The following BICRA variants were observed in gnomAD, a reference collection of about 807,000 sequenced individuals.
The protein encoded by BICRA is BRD4-interacting chromatin-remodeling complex-associated protein.
Under a neutral mutation model 96.9 loss-of-function variants are expected in BICRA, and 31 were observed. That is an observed-to-expected ratio of 0.32 (90% confidence interval 0.24 to 0.43). BICRA has a LOEUF of 0.43. Among genes scored for constraint, BICRA ranks in the 20% least tolerant of loss-of-function variants. BICRA has a pLI of 1.00. For missense variants in BICRA, 2,283 were observed against 2,190.3 expected (o/e 1.04, Z -0.84); for synonymous variants, 1,350 against 1,071.8 (o/e 1.26, Z -5.07).
At chr19:47,632,902 G>A (rs887025588) in intron 1 of BICRA, among the ~76,000 whole-genome samples, 3 of 151,980 alleles carry the variant, frequency 2.0e-5, no homozygotes, top group Admixed American at 2.0e-4. Context: ...TGTTAGACGA[G>A]GTTAAATGAC....
chr19:47,674,288 A>ACAAC (rs1972909552), intron 4 of BICRA, among the ~76,000 whole-genome samples: 1 of 151,856 alleles, frequency 6.6e-6, no homozygotes, highest in Admixed American at 6.6e-5. Context: ...AGGAGGTGAG[A>ACAAC]CTGTAGTAGG....
intron 1 of BICRA, among the ~76,000 whole-genome samples, chr19:47,640,794 G>A (rs1239966238): frequency 6.6e-6 from 1 of 152,048 alleles, no homozygotes. Flanking sequence ...AACAGCAGGT[G>A]CAAAGGTCCT....
rs749101461 is a variant in BICRA at position 47,680,925 on chromosome 19, G to A, written c.1755G>A (p.Gly585=). The A allele has an allele frequency of 4.7e-6, 7 of 1,478,104 alleles. No individual in the cohort carries two copies. The highest frequency in any genetic ancestry group is 2.7e-5 in the South Asian group (2 of 74,948). 91.6% of individuals were successfully genotyped at this position (1,478,104 alleles called of 1,614,324 possible). A position where few individuals can be genotyped will look rare whatever the true frequency, so the allele number is the denominator to read the frequency against. The change falls in exon 6 of 15, where the codon GGG becomes GGA. Residue 585 remains glycine (G), a synonymous_variant. Coordinates refer to ENST00000594866, the MANE Select transcript of BICRA (RefSeq NM_001394372.1). ...AGPAATTVLQ[G]VTLPPSAVAM... Reference sequence around the variant, plus strand: ...CGGCCGCCACCACTGTCCTCCAGGGGGTCACCCTGCCCCCCAGCGCCGTGG... The same window carrying A: ...CGGCCGCCACCACTGTCCTCCAGGGAGTCACCCTGCCCCCCAGCGCCGTGG...
chr19:47,679,953 C>T lies in BICRA; in HGVS notation c.783C>T (p.Gly261=). The change falls in exon 6 of 15, where the codon GGC becomes GGT. Residue 261 remains glycine, a synonymous_variant. Transcript: ENST00000594866. ...TGGCCAAGCAGGTGCCCGTCAGCGGCTACCTGGCCTCGGCGGCTGGCCCCT... is the reference window on the plus strand; with the variant it reads ...TGGCCAAGCAGGTGCCCGTCAGCGGTTACCTGGCCTCGGCGGCTGGCCCCT... ...QLLAKQVPVS[G]YLASAAGPSE... The T allele has an allele frequency of 6.7e-7, 1 of 1,499,818 alleles. No homozygotes were observed. Among genetic ancestry groups the T allele is most frequent in the Non-Finnish European group, 8.8e-7 (1 of 1,131,344 alleles). The allele number at this position is 1,499,818 out of a possible 1,614,324, so 92.9% of individuals were successfully genotyped here. A position where few individuals can be genotyped will look rare whatever the true frequency, so the allele number is the denominator to read the frequency against.
chr19:47,611,139 C>G (rs969766892), intron 1 of BICRA, among the ~76,000 whole-genome samples: 3 of 152,150 alleles, frequency 2.0e-5, no homozygotes, highest in African/African-American at 7.2e-5. Flanking sequence ...CAATTTGTAA[C>G]CTCCTGGAGT....
intron 1 of BICRA, among the ~76,000 whole-genome samples, chr19:47,661,209 G>A (rs1196037892): frequency 8.1e-4 from 11 of 13,502 alleles, no homozygotes; most frequent in African/African-American, 4.1e-3. Context: ...GCGAGACTCC[G>A]TCTCAAAAAA....
Position 47,660,575 on chromosome 19 carries a change from C to T in BICRA, c.-107-9868C>T, listed in dbSNP as rs151269950. On this transcript the variant is annotated intron_variant, in intron 1 of 14. Transcript: ENST00000594866. ...ATGTTAAGTCCACGTACCAGGTGAA[C>T]ACATCACCTCATTTGTCTGTCTGAC... Among the ~76,000 whole-genome samples, 138 of 152,312 alleles carry T rather than the reference C, an allele frequency of 9.1e-4. No individual in the cohort carries two copies. In the Middle Eastern group the frequency reaches 0.02, roughly 23 times the overall value.
rs115064320 is a variant in BICRA, at chr19:47,642,020, C to T, written c.-107-28423C>T. ...GTTCGTTGTTAGTGTGTAGAAACACCACTGATTTTTCCATGTTGATTTTGC... is the reference window on the plus strand; with the variant it reads ...GTTCGTTGTTAGTGTGTAGAAACACTACTGATTTTTCCATGTTGATTTTGC... On this transcript the variant is annotated intron_variant, in intron 1 of 14. Transcript: ENST00000594866. Among the ~76,000 whole-genome samples the T allele has an allele frequency of 3.2e-3, 488 of 152,120 alleles. 2 individuals carry two copies. Among genetic ancestry groups the T allele is most frequent in the African/African-American group, 0.011 (474 of 41,500 alleles).
At chr19:47,694,063 T>C in intron 7 of BICRA, 52 bp from the exon 8 acceptor site, 1 of 1,453,926 alleles carries the variant, frequency 6.9e-7, no homozygotes, top group South Asian at 1.4e-5. Flanking sequence ...CAACAGGAGC[T>C]ATGGTTGGTT....
At chr19:47,642,728 A>G (rs1428406604) in intron 1 of BICRA, among the ~76,000 whole-genome samples, 12 of 152,114 alleles carry the variant, frequency 7.9e-5, no homozygotes, top group Admixed American at 7.9e-4. Context: ...AGAAAAAGAA[A>G]AAAGAAAGAA....
intron 7 of BICRA, among the ~76,000 whole-genome samples, chr19:47,688,849 G>GTCTC (rs147430958): frequency 2.1e-3 from 311 of 150,662 alleles, no homozygotes; most frequent in Non-Finnish European, 3.5e-3. Flanking sequence ...TTGAGACAGA[G>GTCTC]TCTCTCTCTC....
rs773753977 is a variant in BICRA, at chr19:47,698,690, C to T, written c.3305C>T (p.Thr1102Met). Reference protein sequence around the residue: ...QGSVLHPDYKTAFPSFEDALH... With the variant: ...QGSVLHPDYKMAFPSFEDALH... ...TCCGTCCTGCACCCCGACTACAAGA[C>T]GGCCTTCCCCTCCTTTGAGGACGCC... Residue 1102 changes from threonine (T) to methionine (M), a missense_variant, in exon 12 of 15, where the codon ACG (threonine) becomes ATG (methionine). Coordinates refer to ENST00000594866, the MANE Select transcript of BICRA (RefSeq NM_001394372.1). The surrounding 1 kb of genome is among the most constrained non-coding windows in gnomAD (Gnocchi z 4.8). 2.9e-5 allele frequency: 46 copies of T among 1,589,602 alleles called. No homozygotes were observed. Among genetic ancestry groups the T allele is most frequent in the Non-Finnish European group, 3.8e-5 (44 of 1,158,006 alleles).
chr19:47,667,593 C>G (rs913582327), intron 1 of BICRA, among the ~76,000 whole-genome samples: 1 of 152,084 alleles, frequency 6.6e-6, no homozygotes, highest in Non-Finnish European at 1.5e-5. Flanking sequence ...ACAGGGCACC[C>G]GCATTCCAGA....
rs1170922852 is a variant in BICRA at position 47,701,779 on chromosome 19, GCCA to G, written c.4056_4058del (p.Pro1355del). 2.2e-5 allele frequency: 34 copies of G among 1,535,448 alleles called. No homozygotes were observed. Among genetic ancestry groups the G allele is most frequent in the Non-Finnish European group, 2.9e-5 (33 of 1,140,496 alleles). On this transcript the variant is annotated inframe_deletion, in exon 15 of 15. Coordinates refer to ENST00000594866, the MANE Select transcript of BICRA (RefSeq NM_001394372.1). The surrounding 1 kb of genome is among the most constrained non-coding windows in gnomAD (Gnocchi z 5.4). ...AGGTGGCCGAGCCCCCGCCACGGCC[GCCA>G]CCACCACCGCCGCCCACGGGCCAGA...
chr19:47,661,372 C>A (rs1295334921), intron 1 of BICRA, among the ~76,000 whole-genome samples: 1 of 152,178 alleles, frequency 6.6e-6, no homozygotes, highest in African/African-American at 2.4e-5. Context: ...CTCATAGCCA[C>A]GTGGCCCAGG....
In BICRA at chr19:47,631,493, T is replaced by C. The variant is rs185104963; in HGVS notation, c.-108+22325T>C. Among the ~76,000 whole-genome samples the C allele has an allele frequency of 6.1e-3, 929 of 151,624 alleles. 7 individuals carry two copies. The highest frequency in any genetic ancestry group is 0.022 in the African/African-American group (889 of 41,338). ...TCTGCCCTCCTCAGCCTCCCAAAGA[T>C]CTGGGATTATAGGCATGAGCCACCA... On this transcript the variant is annotated intron_variant, in intron 1 of 14. Coordinates refer to ENST00000594866, the MANE Select transcript of BICRA (RefSeq NM_001394372.1).
rs778371800 is a variant in BICRA, at chr19:47,698,541, C to T, written c.3249-93C>T. 8.6e-6 allele frequency: 6 copies of T among 697,944 alleles called. No homozygotes were observed. The highest frequency in any genetic ancestry group is 2.5e-5 in the East Asian group (1 of 40,430). 43.2% of individuals were successfully genotyped at this position (697,944 alleles called of 1,614,324 possible). A position where few individuals can be genotyped will look rare whatever the true frequency, so the allele number is the denominator to read the frequency against. On this transcript the variant is annotated intron_variant, in intron 11 of 14. Transcript: ENST00000594866. This position sits in a 1 kb window ranked among gnomAD's most constrained non-coding sequence, Gnocchi z 4.8. ...CCCTTCCCGCTGTTGTGTTCAGTTG[C>T]GGCCTGGGGCTGAGGGTTCAGGGAC...
chr19:47,614,558 G>C (rs562777824), intron 1 of BICRA, among the ~76,000 whole-genome samples: 63 of 152,306 alleles, frequency 4.1e-4, no homozygotes, highest in Non-Finnish European at 7.8e-4. Flanking sequence ...CGGAGGTTGC[G>C]GTGAGCCGAG....
chr19:47,671,181 T>G (rs1173692766), intron 2 of BICRA, among the ~76,000 whole-genome samples: 3 of 152,140 alleles, frequency 2.0e-5, no homozygotes, highest in East Asian at 1.9e-4. Context: ...CAGCCCACTG[T>G]GGGGGGTCCC....
Sources: allele counts gnomAD v4.1 joint callset (sites outside exome capture counted in the v4.1 genomes callset), GRCh38; gene constraint gnomAD v4.1.1; non-coding constraint Gnocchi (gnomAD v3.1); transcripts MANE v1.5; gene names NCBI Gene and HGNC (gene_info 2026-07-23, HGNC 2026-07-21).